Variants in AKR1C3 observed in about 807,000 individuals in gnomAD.
The protein encoded by AKR1C3 is aldo-keto reductase family 1 member C3.
In AKR1C3, 48 loss-of-function variants were observed where a neutral mutation model predicts 43.6. The observed-to-expected ratio is 1.10, with a 90% CI of 0.87 to 1.40. The LOEUF (loss-of-function observed/expected upper bound fraction) is 1.40. Ranked by LOEUF, AKR1C3 falls within the 40% of genes most tolerant of loss-of-function variation. AKR1C3 has a pLI of 0.00. For missense variants in AKR1C3, 482 were observed against 391.2 expected (o/e 1.23, Z -1.96); for synonymous variants, 162 against 139.6 (o/e 1.16, Z -1.13).
At chr10:5,060,504 G>C (rs1354980644) in intron 1 of AKR1C3, among the ~76,000 whole-genome samples, 1 of 152,210 alleles carries the variant, frequency 6.6e-6, no homozygotes, top group Non-Finnish European at 1.5e-5. Context: ...ACAGGGTGCT[G>C]ATTGGTGTGT....
chr10:5,061,552 C>T (rs1198045429), intron 1 of AKR1C3, among the ~76,000 whole-genome samples: 1 of 152,110 alleles, frequency 6.6e-6, no homozygotes, highest in African/African-American at 2.4e-5. Context: ...TACATGTATG[C>T]TTGGAAAAAC....
At chr10:5,052,760 G>T (rs1400916739) in intron 1 of AKR1C3, among the ~76,000 whole-genome samples, 1 of 151,908 alleles carries the variant, frequency 6.6e-6, no homozygotes, top group East Asian at 1.9e-4. Flanking sequence ...TGGACACAAA[G>T]GTTCTCCAAG....
At chr10:5,076,123 T>A (rs1838711709) in intron 1 of AKR1C3, among the ~76,000 whole-genome samples, 1 of 152,202 alleles carries the variant, frequency 6.6e-6, no homozygotes, top group Non-Finnish European at 1.5e-5. Context: ...CACACTTAAA[T>A]AAGATGATGT....
intron 1 of AKR1C3, among the ~76,000 whole-genome samples, chr10:5,074,936 G>A (rs1838681609): frequency 6.6e-6 from 1 of 152,142 alleles, no homozygotes; most frequent in African/African-American, 2.4e-5. Context: ...GCCCCCTGTT[G>A]TTGATGTGAG....
At chr10:5,065,871 G>T (rs747402782) in intron 1 of AKR1C3, among the ~76,000 whole-genome samples, 9 of 152,130 alleles carry the variant, frequency 5.9e-5, no homozygotes, top group Non-Finnish European at 1.0e-4. Flanking sequence ...ATCTTTATGG[G>T]AGGCAGAGGG....
chr10:5,071,795 G>A (rs1402318075), intron 1 of AKR1C3, among the ~76,000 whole-genome samples: 2 of 152,198 alleles, frequency 1.3e-5, no homozygotes, highest in African/African-American at 4.8e-5. Flanking sequence ...AACCCAGAGG[G>A]ACTAATCACA....
chr10:5,081,997 C>T (rs993631802), intron 1 of AKR1C3: 3 of 151,698 alleles, frequency 2.0e-5, no homozygotes, highest in South Asian at 4.2e-4. Context: ...TTGCATGATG[C>T]ATTCTGTTTG....
At chr10:5,099,072 A>C (rs1454207084) in intron 4 of AKR1C3, among the ~76,000 whole-genome samples, 193 bp downstream of exon 4, 1 of 152,224 alleles carries the variant, frequency 6.6e-6, no homozygotes, top group Non-Finnish European at 1.5e-5. Context: ...ACTTGGGGGC[A>C]AGGAGGACAG....
upstream of AKR1C3, among the ~76,000 whole-genome samples, chr10:5,091,213 A>G (rs1425334870): frequency 6.6e-6 from 1 of 152,092 alleles, no homozygotes; most frequent in Admixed American, 6.6e-5. Context: ...GAGAGAAAAA[A>G]AACTGATGAT....
At position 5,105,347 on chromosome 10, in the gene AKR1C3, C is replaced by T. The variant is rs186015494; in HGVS notation, c.847-248C>T. ...GCACAATGTCAGCGCTGTTTCTTCTCCATTTTCTGTTGAAATTTTCTCTTT... is the reference window on the plus strand; with the variant it reads ...GCACAATGTCAGCGCTGTTTCTTCTTCATTTTCTGTTGAAATTTTCTCTTT... On this transcript the variant is annotated intron_variant, in intron 7 of 8. Transcript: ENST00000380554. 5 of 313,184 alleles carry T rather than the reference C, an allele frequency of 1.6e-5. No individual in the cohort carries two copies. In the East Asian group the frequency reaches 2.9e-4, roughly 18 times the overall value. 19.4% of individuals were successfully genotyped at this position (313,184 alleles called of 1,614,324 possible). A position where few individuals can be genotyped will look rare whatever the true frequency, so the allele number is the denominator to read the frequency against.
intron 1 of AKR1C3, among the ~76,000 whole-genome samples, chr10:5,083,470 T>G (rs1838882247): frequency 6.6e-6 from 1 of 152,206 alleles, no homozygotes; most frequent in Admixed American, 6.5e-5. Context: ...CTTAATCCAG[T>G]CTATCGTTGT....
intron 1 of AKR1C3, among the ~76,000 whole-genome samples, chr10:5,066,924 T>C (rs1838516875): frequency 6.6e-6 from 1 of 152,160 alleles, no homozygotes; most frequent in Non-Finnish European, 1.5e-5. Context: ...ATTGCTTCTC[T>C]ACTCTAAACC....
intron 1 of AKR1C3, among the ~76,000 whole-genome samples, chr10:5,066,999 T>C (rs1838519006): frequency 6.6e-6 from 1 of 152,242 alleles, no homozygotes; most frequent in Non-Finnish European, 1.5e-5. Context: ...CAATGTTCTC[T>C]TTAACCCATG....
At chr10:5,069,306 A>T (rs570477953) in intron 1 of AKR1C3, among the ~76,000 whole-genome samples, 1 of 152,226 alleles carries the variant, frequency 6.6e-6, no homozygotes, top group Non-Finnish European at 1.5e-5. Context: ...CCATGAATTA[A>T]GAATATTCAC....
At chr10:5,085,989 G>A (rs1462428070) in intron 1 of AKR1C3, among the ~76,000 whole-genome samples, 2 of 151,658 alleles carry the variant, frequency 1.3e-5, no homozygotes, top group Non-Finnish European at 2.9e-5. Context: ...AGTCTTGCTA[G>A]CAGTCTATCA....
chr10:5,049,018 T>C, intron 1 of AKR1C3: 5 of 741,428 alleles, frequency 6.7e-6, no homozygotes, highest in Non-Finnish European at 1.2e-5. Context: ...TGAGTTTCCC[T>C]AGGTTAAAGC....
Position 5,098,770 on chromosome 10 carries a change from T to C in AKR1C3, c.370-32T>C, listed in dbSNP as rs782652543. The C allele has an allele frequency of 4.4e-6, 7 of 1,588,260 alleles. No homozygotes were observed. In the South Asian group the frequency reaches 4.4e-5, roughly 10 times the overall value. ...AGCTATGAGTGGAGAAATTAATTTGTGACATCATTAAAATGACTGCTTCTA... is the reference window on the plus strand; with the variant it reads ...AGCTATGAGTGGAGAAATTAATTTGCGACATCATTAAAATGACTGCTTCTA... On this transcript the variant is annotated intron_variant, in intron 3 of 8. Coordinates refer to ENST00000380554, the MANE Select transcript of AKR1C3 (RefSeq NM_003739.6).
At chr10:5,077,757 C>A in intron 1 of AKR1C3, 1 of 1,068,414 alleles carries the variant, frequency 9.4e-7, no homozygotes, top group Non-Finnish European at 1.2e-6. Flanking sequence ...CAGCTCACTG[C>A]CAGTGCCCAT....
At chr10:5,073,715 T>C (rs2105450) in intron 1 of AKR1C3, among the ~76,000 whole-genome samples, 1 of 152,044 alleles carries the variant, frequency 6.6e-6, no homozygotes, top group Non-Finnish European at 1.5e-5. Flanking sequence ...CATGACTGTA[T>C]TTTGGTATTC....
Sources: gnomAD v4.1 joint callset for allele counts (sites outside exome capture counted in the v4.1 genomes callset) on GRCh38, gnomAD v4.1.1 for gene constraint, MANE v1.5 for transcripts, NCBI Gene and HGNC (gene_info 2026-07-23, HGNC 2026-07-21) for gene names.